The following NUP37 variants were observed in gnomAD, a reference collection of about 807,000 sequenced individuals.
NUP37 encodes the protein nucleoporin Nup37.
A neutral mutation model predicts 45.4 loss-of-function variants in NUP37; 33 were observed. That is an observed-to-expected ratio of 0.73 (90% CI 0.55 to 0.97). The LOEUF (loss-of-function observed/expected upper bound fraction) is 0.97. NUP37 is among the 50% of genes least tolerant of loss of function. The pLI is 0.00. For synonymous variants in NUP37, 127 were observed against 130.7 expected, an observed-to-expected ratio of 0.97 and a Z score of 0.19; for missense variants, 365 against 389.7, an observed-to-expected ratio of 0.94 and a Z score of 0.53.
At chr12:102,090,949 A>C (rs1411339596) in intron 5 of NUP37, among the ~76,000 whole-genome samples, 1 of 152,248 alleles carries the variant, frequency 6.6e-6, no homozygotes, top group Non-Finnish European at 1.5e-5. Flanking sequence ...AGACCACGTC[A>C]GACAACAGGA....
At chr12:102,093,413 T>G (rs1879715696) in intron 5 of NUP37, among the ~76,000 whole-genome samples, 1 of 152,176 alleles carries the variant, frequency 6.6e-6, no homozygotes, top group Admixed American at 6.5e-5. Flanking sequence ...ATTTAACTTA[T>G]ACAGACAGAT....
chr12:102,107,343 C>T (rs1463729652), intron 3 of NUP37, among the ~76,000 whole-genome samples: 1 of 152,170 alleles, frequency 6.6e-6, no homozygotes, highest in Admixed American at 6.5e-5. Context: ...AGTTCAACAT[C>T]CCCTGTCTAG....
At chr12:102,087,581 GATT>G (rs1378237937) in intron 5 of NUP37, among the ~76,000 whole-genome samples, 1 of 152,184 alleles carries the variant, frequency 6.6e-6, no homozygotes, top group African/African-American at 2.4e-5. Context: ...CGATGAATTA[GATT>G]ATTAATTATG....
chr12:102,080,892 T>C (rs981379703), intron 6 of NUP37, among the ~76,000 whole-genome samples: 1 of 152,168 alleles, frequency 6.6e-6, no homozygotes, highest in African/African-American at 2.4e-5. Context: ...ACTTGAAAGA[T>C]CTTGAGAATT....
Position 102,118,525 on chromosome 12 carries a change from T to C in NUP37, c.-7A>G, listed in dbSNP as rs372138363. On this transcript the variant is annotated 5_prime_UTR_variant, in exon 2 of 10. Coordinates refer to ENST00000552283, the MANE Select transcript of NUP37 (RefSeq NM_024057.4). ...TTGAGGCATCTTGCTTCATCTTGTA[T>C]GTCAAAATTCAAGCAGTTGTGAAAA... 3.1e-6 allele frequency: 5 copies of C among 1,604,954 alleles called. No individual in the cohort carries two copies. In the African/African-American group the frequency reaches 4.0e-5, roughly 13 times the overall value.
chr12:102,095,221 T>C lies in NUP37; in HGVS notation c.449+3885A>G, dbSNP rs1879770211. 2.0e-5 allele frequency among the ~76,000 whole-genome samples: 3 copies of C among 152,258 alleles called. No homozygotes were observed. The South Asian group carries it at 6.2e-4, about 32-fold the overall frequency. On this transcript the variant is annotated intron_variant, in intron 5 of 9. Coordinates refer to ENST00000552283, the MANE Select transcript of NUP37 (RefSeq NM_024057.4). ...AAGCTTAACCCACTAAATACTTAAA[T>C]GACACTTTTACCTTCTTTTGGAGGA...
chr12:102,094,788 T>C (rs1879754997), intron 5 of NUP37, among the ~76,000 whole-genome samples: 1 of 152,096 alleles, frequency 6.6e-6, no homozygotes, highest in South Asian at 2.1e-4. Context: ...TAAAAAATGA[T>C]CCCAGTTAGA....
chr12:102,077,643 G>A, intron 6 of NUP37, 140 bp from the exon 7 acceptor site: 1 of 875,358 alleles, frequency 1.1e-6, no homozygotes. Flanking sequence ...CTGAAAATCT[G>A]CAATGCTCCA....
At chr12:102,082,828 A>C (rs1879366825) in intron 6 of NUP37, among the ~76,000 whole-genome samples, 1 of 152,262 alleles carries the variant, frequency 6.6e-6, no homozygotes, top group Non-Finnish European at 1.5e-5. Context: ...CAAGTTAGGC[A>C]TGAGAAAAGA....
chr12:102,077,731 T>C (rs1343386993), intron 6 of NUP37, among the ~76,000 whole-genome samples: 1 of 152,188 alleles, frequency 6.6e-6, no homozygotes. Flanking sequence ...ACAAACTTTG[T>C]TTCATGCACA....
At position 102,108,065 on chromosome 12, in the gene NUP37, T is replaced by G. The variant is rs115187349; in HGVS notation, c.281+4043A>C. Among the ~76,000 whole-genome samples the G allele has an allele frequency of 7.0e-3, 1,071 of 152,252 alleles. 8 individuals are homozygous for G. Among genetic ancestry groups the G allele is most frequent in the African/African-American group, 0.025 (1,025 of 41,520 alleles). On this transcript the variant is annotated intron_variant, in intron 3 of 9. Transcript: ENST00000552283. ...GGTTAATATTAAGTGTCAACTTGCT[T>G]GGATTGAAGGATACAAAGTACTGGT... is the stretch of plus-strand genomic sequence containing the variant.
At chr12:102,105,128 T>C (rs969499364) in intron 3 of NUP37, among the ~76,000 whole-genome samples, 2 of 152,244 alleles carry the variant, frequency 1.3e-5, no homozygotes, top group East Asian at 3.8e-4. Flanking sequence ...TTGTAGCTTT[T>C]AGTCTTTGGC....
chr12:102,091,381 G>C (rs1879646314), intron 5 of NUP37, among the ~76,000 whole-genome samples: 2 of 110,426 alleles, frequency 1.8e-5, no homozygotes, highest in Admixed American at 2.5e-4. Context: ...CCGGGAAACA[G>C]AGTGAGAGAC....
chr12:102,074,864 T>G, intron 9 of NUP37, 137 bp downstream of exon 9: 1 of 475,524 alleles, frequency 2.1e-6, no homozygotes, highest in Admixed American at 4.0e-5. Flanking sequence ...GAACCACCTT[T>G]TCTTGCAATT....
intron 5 of NUP37, among the ~76,000 whole-genome samples, chr12:102,096,493 C>G (rs1879806783): frequency 6.6e-6 from 1 of 152,120 alleles, no homozygotes. Context: ...CAAAATTCTG[C>G]TAGCTGATTA....
intron 3 of NUP37, 27 bp downstream of exon 3, chr12:102,112,081 G>C: frequency 6.2e-7 from 1 of 1,602,944 alleles, no homozygotes; most frequent in South Asian, 1.1e-5. Flanking sequence ...CATTAGTAAG[G>C]AATGCATTTG....
chr12:102,118,615 G>T, intron 1 of NUP37, 32 bp from the exon 2 acceptor site: 2 of 1,060,296 alleles, frequency 1.9e-6, no homozygotes, highest in Non-Finnish European at 2.7e-6. Context: ...CAATTACAAT[G>T]GTCAATATGT....
At chr12:102,094,019 T>C (rs1290827115) in intron 5 of NUP37, among the ~76,000 whole-genome samples, 2 of 152,160 alleles carry the variant, frequency 1.3e-5, no homozygotes, top group East Asian at 3.8e-4. Context: ...ACTTCTACTC[T>C]ATTACAGTCT....
intron 4 of NUP37, 120 bp downstream of exon 4, chr12:102,100,907 CTAAAT>C (rs1284802032): frequency 3.5e-6 from 2 of 568,210 alleles, no homozygotes; most frequent in African/African-American, 4.0e-5. Context: ...AAATGAGACT[CTAAAT>C]TATATACTTT....
Sources: gnomAD v4.1 joint callset for allele counts (sites outside exome capture counted in the v4.1 genomes callset) on GRCh38, gnomAD v4.1.1 for gene constraint, MANE v1.5 for transcripts, NCBI Gene and HGNC (gene_info 2026-07-23, HGNC 2026-07-21) for gene names.